SLC8A1: variants seen among roughly 807,000 people sequenced by gnomAD.
The protein encoded by SLC8A1 is sodium/calcium exchanger 1.
In SLC8A1, 18 loss-of-function variants were observed where a neutral mutation model predicts 68.3. The observed-to-expected ratio is 0.26, with a 90% CI of 0.18 to 0.39. SLC8A1 has a LOEUF of 0.39. SLC8A1 is among the 10% of genes least tolerant of loss of function. SLC8A1 has a pLI of 1.00. For synonymous variants in SLC8A1, 475 were observed against 415.5 expected, an observed-to-expected ratio of 1.14 and a Z score of -1.74; for missense variants, 985 against 1,156.7, an observed-to-expected ratio of 0.85 and a Z score of 2.15.
At chr2:40,189,233 C>T (rs2041827) in intron 2 of SLC8A1, among the ~76,000 whole-genome samples, 2 of 152,060 alleles carry the variant, frequency 1.3e-5, no homozygotes, top group African/African-American at 2.4e-5. Context: ...CCGTATTAGC[C>T]AGTTTATATT....
intron 2 of SLC8A1, among the ~76,000 whole-genome samples, chr2:40,275,125 T>C (rs2066532538): frequency 6.6e-6 from 1 of 152,248 alleles, no homozygotes. Context: ...AATTGTATGC[T>C]CACATTTTAT....
At chr2:40,414,869 AAAG>A (rs1347877198) in intron 2 of SLC8A1, among the ~76,000 whole-genome samples, 2 of 152,188 alleles carry the variant, frequency 1.3e-5, no homozygotes, top group African/African-American at 2.4e-5. Context: ...TTGGTTAAAT[AAAG>A]AAGACAATGA....
intron 2 of SLC8A1, chr2:40,250,363 A>G (rs1446575865): frequency 6.6e-6 from 1 of 152,238 alleles, no homozygotes; most frequent in Non-Finnish European, 1.5e-5. Flanking sequence ...TAACTGGAGA[A>G]AACAATCTGA....
intron 2 of SLC8A1, among the ~76,000 whole-genome samples, chr2:40,421,389 T>C (rs1342823923): frequency 1.3e-5 from 2 of 152,124 alleles, no homozygotes; most frequent in Non-Finnish European, 2.9e-5. Flanking sequence ...CCCATCTTTA[T>C]CTCAGGAAAT....
intron 2 of SLC8A1, among the ~76,000 whole-genome samples, chr2:40,416,445 G>A (rs1693909595): frequency 6.6e-6 from 1 of 151,970 alleles, no homozygotes; most frequent in Non-Finnish European, 1.5e-5. Context: ...AAAAAGTAAG[G>A]CATAGACTAA....
chr2:40,193,268 G>A (rs1282496676), intron 2 of SLC8A1, among the ~76,000 whole-genome samples: 6 of 152,136 alleles, frequency 3.9e-5, no homozygotes, highest in Non-Finnish European at 5.9e-5. Flanking sequence ...TATCAGCCAC[G>A]TTTTAGATTC....
At chr2:40,429,254 C>G (rs1222971371) in exon 2 of SLC8A1, 2 of 1,613,914 alleles carry the variant, frequency 1.2e-6, no homozygotes, top group Non-Finnish European at 1.7e-6. Flanking sequence ...ATTAATTGCT[C>G]TATTTCTTTA....
intron 2 of SLC8A1, among the ~76,000 whole-genome samples, chr2:40,344,331 T>C (rs752634519): frequency 2.1e-4 from 32 of 152,308 alleles, no homozygotes; most frequent in Middle Eastern, 3.4e-3. Context: ...TGTCAAGCAC[T>C]GGGTCTATGA....
intron 2 of SLC8A1, among the ~76,000 whole-genome samples, chr2:40,392,160 AAAAG>A (rs1048765556): frequency 7.2e-5 from 11 of 152,080 alleles, no homozygotes; most frequent in South Asian, 4.1e-4. Flanking sequence ...AAAGAAAGAA[AAAAG>A]AAAGGAAGAG....
chr2:40,175,294 C>CAA lies in SLC8A1; in HGVS notation c.1913-453_1913-452insTT, dbSNP rs747317606. Reference sequence around the variant, plus strand: ...TTCAATAACAGGGCTGTGAAGGAAACAGACAAAGACAAACACAGAATAAGA... The same window carrying CAA: ...TTCAATAACAGGGCTGTGAAGGAAACAAAGACAAAGACAAACACAGAATAAGA... On this transcript the variant is annotated intron_variant, in intron 3 of 7. Coordinates refer to ENST00000406785, the Ensembl canonical transcript of SLC8A1. 1.9e-6 allele frequency: 3 copies of CAA among 1,611,846 alleles called. No individual in the cohort carries two copies. The highest frequency in any genetic ancestry group is 2.5e-6 in the Non-Finnish European group (3 of 1,178,480).
At chr2:40,423,544 T>A (rs1696068677) in intron 2 of SLC8A1, among the ~76,000 whole-genome samples, 1 of 152,010 alleles carries the variant, frequency 6.6e-6, no homozygotes, top group Admixed American at 6.6e-5. Flanking sequence ...TTCTATGTAA[T>A]GGCCTTGAAT....
rs190631605 is a variant in SLC8A1 at position 40,200,253 on chromosome 2, T to A, written c.1809-22398A>T. Among the ~76,000 whole-genome samples, 240 of 34,924 alleles carry A rather than the reference T, an allele frequency of 6.9e-3. 5 individuals carry two copies. Among genetic ancestry groups the A allele is most frequent in the Middle Eastern group, 0.015 (1 of 68 alleles). The allele number at this position is 34,924 out of a possible 152,430, so 22.9% of individuals were successfully genotyped here. ...ATATATATATAAATATATATATATA[T>A]ATATATATATATATAACCTCTTTTA... On this transcript the variant is annotated intron_variant, in intron 2 of 7. Coordinates refer to ENST00000406785, the Ensembl canonical transcript of SLC8A1.
At chr2:40,426,317 A>C (rs779201894) in intron 2 of SLC8A1, among the ~76,000 whole-genome samples, 2 of 152,030 alleles carry the variant, frequency 1.3e-5, no homozygotes, top group Non-Finnish European at 2.9e-5. Flanking sequence ...ATATATATAG[A>C]GATGGCATGA....
At chr2:40,344,988 G>A (rs986140222) in intron 2 of SLC8A1, among the ~76,000 whole-genome samples, 6 of 150,288 alleles carry the variant, frequency 4.0e-5, no homozygotes, top group East Asian at 2.0e-4. Flanking sequence ...ATCATCTTCC[G>A]TATTTTGTTT....
intron 2 of SLC8A1, among the ~76,000 whole-genome samples, chr2:40,405,293 C>A (rs950139821): frequency 6.6e-6 from 1 of 152,114 alleles, no homozygotes; most frequent in Non-Finnish European, 1.5e-5. Flanking sequence ...GAGACATACA[C>A]CTACAATTGC....
chr2:40,425,397 A>T (rs1345867606), intron 2 of SLC8A1, among the ~76,000 whole-genome samples: 15 of 151,908 alleles, frequency 9.9e-5, no homozygotes, highest in Non-Finnish European at 2.2e-4. Flanking sequence ...ACAATCATTA[A>T]AGCTGTAGTG....
At chr2:40,263,553 T>C (rs1038916343) in intron 2 of SLC8A1, among the ~76,000 whole-genome samples, 1 of 151,888 alleles carries the variant, frequency 6.6e-6, no homozygotes, top group Non-Finnish European at 1.5e-5. Flanking sequence ...ATGCCACAGA[T>C]CTACAACCAT....
chr2:40,454,614 G>C (rs1702893882), upstream of SLC8A1, among the ~76,000 whole-genome samples: 1 of 151,742 alleles, frequency 6.6e-6, no homozygotes, highest in Non-Finnish European at 1.5e-5. Context: ...ATATTAAATG[G>C]TCTTCTGTTT....
At chr2:40,114,964 A>T (rs1454655523) in exon 8 of SLC8A1, 1 of 188,368 alleles carries the variant, frequency 5.3e-6, no homozygotes, top group East Asian at 1.2e-4. Flanking sequence ...ACAAAACCAA[A>T]AACAAAACAA....
Sources: gnomAD v4.1 joint callset for allele counts (sites outside exome capture counted in the v4.1 genomes callset) on GRCh38, gnomAD v4.1.1 for gene constraint, MANE v1.5 for transcripts, NCBI Gene and HGNC (gene_info 2026-07-23, HGNC 2026-07-21) for gene names.